The following SGCZ variants were observed in gnomAD, a reference collection of about 807,000 sequenced individuals.
SGCZ encodes the protein sarcoglycan zeta.
Under a neutral mutation model 41.3 loss-of-function variants are expected in SGCZ, and 40 were observed. That is an observed-to-expected ratio of 0.97 (90% CI 0.75 to 1.26). The LOEUF is 1.26. Among genes scored for constraint, SGCZ ranks in the 50% most tolerant of loss-of-function variants. SGCZ has a pLI of 0.00. For missense variants in SGCZ, 552 were observed against 369.8 expected (o/e 1.49, Z -4.04); for synonymous variants, 206 against 137.5 (o/e 1.50, Z -3.49).
In SGCZ at chr8:15,051,921, C is replaced by CA. The variant is rs574380243; in HGVS notation, c.39+185663dup. On this transcript the variant is annotated intron_variant, in intron 1 of 7. Transcript: ENST00000382080. ...AGGAGATAGCACAATTTGGGCGCGCCAAAAGACTGGAAGGCTGCAGTGGAA... is the reference window on the plus strand; with the variant it reads ...AGGAGATAGCACAATTTGGGCGCGCCAAAAAGACTGGAAGGCTGCAGTGGAA... Among the ~76,000 whole-genome samples, 32 of 152,114 alleles carry CA rather than the reference C, an allele frequency of 2.1e-4. 1 individual carries two copies. The South Asian group carries it at 6.2e-3, about 30-fold the overall frequency.
At chr8:15,079,571 G>A (rs1212139697) in intron 1 of SGCZ, among the ~76,000 whole-genome samples, 1 of 152,148 alleles carries the variant, frequency 6.6e-6, no homozygotes, top group Non-Finnish European at 1.5e-5. Context: ...TGCAATTATT[G>A]TCTGTTAATT....
At chr8:14,801,007 G>A (rs189794953) in intron 1 of SGCZ, among the ~76,000 whole-genome samples, 1 of 152,114 alleles carries the variant, frequency 6.6e-6, no homozygotes, top group African/African-American at 2.4e-5. Context: ...CCGAATACCA[G>A]GTTAACTTTA....
chr8:14,599,128 C>A (rs1805505986), intron 1 of SGCZ, among the ~76,000 whole-genome samples: 1 of 152,156 alleles, frequency 6.6e-6, no homozygotes, highest in African/African-American at 2.4e-5. Context: ...ATCTTCATCT[C>A]CGTACATCAA....
intron 1 of SGCZ, among the ~76,000 whole-genome samples, chr8:14,934,682 T>C (rs1273300878): frequency 6.6e-6 from 1 of 151,672 alleles, no homozygotes; most frequent in East Asian, 1.9e-4. Flanking sequence ...TGTTAAGGGA[T>C]AATAATAAAG....
chr8:14,794,852 T>A (rs1801073774), intron 1 of SGCZ, among the ~76,000 whole-genome samples: 1 of 152,190 alleles, frequency 6.6e-6, no homozygotes. Flanking sequence ...ACAGGAACAC[T>A]ACAGCATCTC....
At chr8:14,996,553 C>A (rs1351810484) in intron 1 of SGCZ, among the ~76,000 whole-genome samples, 2 of 152,122 alleles carry the variant, frequency 1.3e-5, no homozygotes, top group Non-Finnish European at 2.9e-5. Flanking sequence ...AGGTGCATGC[C>A]ACCATGCCAG....
At chr8:14,923,859 C>T (rs1329462934) in intron 1 of SGCZ, among the ~76,000 whole-genome samples, 3 of 152,138 alleles carry the variant, frequency 2.0e-5, no homozygotes, top group African/African-American at 4.8e-5. Context: ...TGTAGGGATC[C>T]ATTGAGAACC....
At chr8:14,375,111 T>TAGAC (rs77420529) in intron 2 of SGCZ, among the ~76,000 whole-genome samples, 13,039 of 150,188 alleles carry the variant, frequency 0.087, 970 homozygotes, top group African/African-American at 0.2. Context: ...GATAGATAGA[T>TAGAC]AGACAGACAG....
intron 3 of SGCZ, among the ~76,000 whole-genome samples, chr8:14,301,506 G>A (rs566360858): frequency 7.9e-5 from 12 of 152,082 alleles, no homozygotes; most frequent in South Asian, 2.1e-4. Context: ...CAAATTTCAC[G>A]GCAGTCTTTT....
intron 2 of SGCZ, among the ~76,000 whole-genome samples, chr8:14,363,650 C>A (rs1256862019): frequency 1.3e-5 from 2 of 152,054 alleles, no homozygotes; most frequent in African/African-American, 4.8e-5. Flanking sequence ...AAGGAGCATT[C>A]AATCCTTTAT....
At chr8:14,532,875 C>T (rs1319222044) in intron 2 of SGCZ, among the ~76,000 whole-genome samples, 4 of 151,866 alleles carry the variant, frequency 2.6e-5, no homozygotes, top group East Asian at 1.9e-4. Flanking sequence ...TCTGAGCTTA[C>T]TTGGAATGTC....
At chr8:14,453,228 T>C (rs1409234843) in intron 2 of SGCZ, among the ~76,000 whole-genome samples, 1 of 152,212 alleles carries the variant, frequency 6.6e-6, no homozygotes, top group Non-Finnish European at 1.5e-5. Flanking sequence ...ATAAAAATTT[T>C]CTATTCGTCT....
At position 14,607,943 on chromosome 8, in the gene SGCZ, A is replaced by T. The variant is rs533554605; in HGVS notation, c.40-53017T>A. Among the ~76,000 whole-genome samples the T allele has an allele frequency of 2.6e-5, 4 of 152,324 alleles. No individual in the cohort carries two copies. In the East Asian group the frequency reaches 7.7e-4, roughly 29 times the overall value. ...GTTCAGGCCACTTGGAGTAATTGTTACTGCTGTAAAAGACAAAAACCAGCT... is the reference window on the plus strand; with the variant it reads ...GTTCAGGCCACTTGGAGTAATTGTTTCTGCTGTAAAAGACAAAAACCAGCT... On this transcript the variant is annotated intron_variant, in intron 1 of 7. Coordinates refer to ENST00000382080, the MANE Select transcript of SGCZ (RefSeq NM_139167.4).
At chr8:14,231,161 G>GTGTGTGTGTGTGTGTGTGTGTGTA (rs1806553664) in intron 4 of SGCZ, among the ~76,000 whole-genome samples, 1 of 872 alleles carries the variant, frequency 1.1e-3, no homozygotes, top group African/African-American at 2.7e-3. Context: ...CTTTGGGCAA[G>GTGTGTGTGTGTGTGTGTGTGTGTA]TGTGTGTGTG....
intron 1 of SGCZ, among the ~76,000 whole-genome samples, chr8:14,968,589 G>C (rs1801192848): frequency 6.6e-6 from 1 of 152,078 alleles, no homozygotes; most frequent in African/African-American, 2.4e-5. Context: ...AAGGGACTCA[G>C]TACTGTAGAT....
At chr8:15,230,717 G>A (rs957149702) in intron 1 of SGCZ, among the ~76,000 whole-genome samples, 4 of 152,188 alleles carry the variant, frequency 2.6e-5, no homozygotes, top group African/African-American at 7.2e-5. Context: ...TGGTCCCAGA[G>A]TCAACTGCAG....
chr8:15,026,119 G>A lies in SGCZ; in HGVS notation c.39+211466C>T, dbSNP rs545733262. On this transcript the variant is annotated intron_variant, in intron 1 of 7. Coordinates refer to ENST00000382080, the MANE Select transcript of SGCZ (RefSeq NM_139167.4). The stretch of plus-strand genomic sequence containing the variant: ...CTTCCATAGTATTCCAATAAGGTTT[G>A]TTTAAAAAAAAAAAAGGACTTTTGA... 6.5e-4 allele frequency among the ~76,000 whole-genome samples: 97 copies of A among 148,524 alleles called. 1 individual carries two copies. Among genetic ancestry groups the A allele is most frequent in the Admixed American group, 1.7e-3 (25 of 14,930 alleles).
chr8:14,811,602 G>A (rs937497412), intron 1 of SGCZ, among the ~76,000 whole-genome samples: 1 of 133,000 alleles, frequency 7.5e-6, no homozygotes, highest in Non-Finnish European at 1.5e-5. Context: ...AAAAAGAGAA[G>A]GTTTTGTTTG....
chr8:14,663,590 A>G (rs751328828), intron 1 of SGCZ, among the ~76,000 whole-genome samples: 5 of 152,266 alleles, frequency 3.3e-5, no homozygotes, highest in African/African-American at 9.6e-5. Context: ...TAATAATTCA[A>G]TGGAATGCTA....
Sources: gnomAD v4.1 joint callset for allele counts (sites outside exome capture counted in the v4.1 genomes callset) on GRCh38, gnomAD v4.1.1 for gene constraint, MANE v1.5 for transcripts, NCBI Gene and HGNC (gene_info 2026-07-23, HGNC 2026-07-21) for gene names.